The following PCDHGB6 variants were observed in gnomAD, a reference collection of about 807,000 sequenced individuals.
PCDHGB6 encodes protocadherin gamma subfamily B, 6.
In PCDHGB6, 51 loss-of-function variants were observed where a neutral mutation model predicts 59.1. The observed-to-expected ratio is 0.86, with a 90% CI of 0.69 to 1.09. The LOEUF is 1.09. PCDHGB6 is among the 50% of genes least tolerant of loss of function. PCDHGB6 has a pLI of 0.00. For missense variants in PCDHGB6, 1,148 were observed against 1,205.1 expected (o/e 0.95, Z 0.70); for synonymous variants, 466 against 495.1 (o/e 0.94, Z 0.78).
At chr5:141,430,782 G>A (rs1220976669) in intron 1 of PCDHGB6, 2 of 1,510,858 alleles carry the variant, frequency 1.3e-6, no homozygotes, top group Non-Finnish European at 1.8e-6. Flanking sequence ...CGACTGCACC[G>A]GGACTACAAA....
chr5:141,491,845 G>A lies in PCDHGB6; in HGVS notation c.2419-2962G>A. 6.8e-7 allele frequency: 1 copy of A among 1,463,944 alleles called. No homozygotes were observed. The highest frequency in any genetic ancestry group is 9.0e-7 in the Non-Finnish European group (1 of 1,106,126). 90.7% of individuals were successfully genotyped at this position (1,463,944 alleles called of 1,614,324 possible). ...CTCCACCCGATTCTCGGGATCATTGGACCGTTTGCGCGAAACCAGAGTGGC... is the reference window on the plus strand; with the variant it reads ...CTCCACCCGATTCTCGGGATCATTGAACCGTTTGCGCGAAACCAGAGTGGC... On this transcript the variant is annotated intron_variant, in intron 1 of 3. Coordinates refer to ENST00000520790, the MANE Select transcript of PCDHGB6 (RefSeq NM_018926.3). This position sits in a 1 kb window ranked among gnomAD's most constrained non-coding sequence, Gnocchi z 6.9.
chr5:141,442,796 T>G (rs909745554), intron 1 of PCDHGB6, among the ~76,000 whole-genome samples: 16 of 152,326 alleles, frequency 1.1e-4, no homozygotes, highest in African/African-American at 3.8e-4. Context: ...AATTTTACTT[T>G]GATATTCAAA....
intron 1 of PCDHGB6, chr5:141,423,565 C>G: frequency 1.2e-6 from 2 of 1,613,594 alleles, no homozygotes; most frequent in Non-Finnish European, 1.7e-6. Context: ...TGGGGACACG[C>G]TCATCAGCCA....
Position 141,490,282 on chromosome 5 carries a change from C to T in PCDHGB6, c.2419-4525C>T, listed in dbSNP as rs763429413. 1.2e-6 allele frequency: 2 copies of T among 1,614,194 alleles called. No individual in the cohort carries two copies. The highest frequency in any genetic ancestry group is 1.7e-6 in the Non-Finnish European group (2 of 1,180,036). ...TGTGGGGGATGTCAATGACAATGCC[C>T]CAGAGGTGCTATTGGCCTCTTTGGC... On this transcript the variant is annotated intron_variant, in intron 1 of 3. Transcript: ENST00000520790. This position sits in a 1 kb window ranked among gnomAD's most constrained non-coding sequence, Gnocchi z 5.4.
chr5:141,432,874 G>A lies in PCDHGB6; in HGVS notation c.2418+22254G>A, dbSNP rs2097545539. 2 of 1,614,176 alleles carry A rather than the reference G, an allele frequency of 1.2e-6. No homozygotes were observed. The highest frequency in any genetic ancestry group is 1.7e-6 in the Non-Finnish European group (2 of 1,180,014). Reference sequence around the variant, plus strand: ...TGGCCGCGGTCTCCTGCGTCTTCCTGGCCTTCGTCATCTTGCTGCTGGCGC... The same window carrying A: ...TGGCCGCGGTCTCCTGCGTCTTCCTAGCCTTCGTCATCTTGCTGCTGGCGC... On this transcript the variant is annotated intron_variant, in intron 1 of 3. Transcript: ENST00000520790. This position sits in a 1 kb window ranked among gnomAD's most constrained non-coding sequence, Gnocchi z 6.0.
Position 141,476,247 on chromosome 5 carries a change from G to A in PCDHGB6, c.2419-18560G>A. The A allele has an allele frequency of 6.2e-7, 1 of 1,614,042 alleles. No individual in the cohort carries two copies. Among genetic ancestry groups the A allele is most frequent in the Non-Finnish European group, 8.5e-7 (1 of 1,180,010 alleles). Reference sequence around the variant, plus strand: ...GAGATCCCGGAGGAAAGAGAGAAGGGTTTCGCTGTGGGCAACGTGGTCGCG... The same window carrying A: ...GAGATCCCGGAGGAAAGAGAGAAGGATTTCGCTGTGGGCAACGTGGTCGCG... On this transcript the variant is annotated intron_variant, in intron 1 of 3. Transcript: ENST00000520790. This position sits in a 1 kb window ranked among gnomAD's most constrained non-coding sequence, Gnocchi z 7.6.
At chr5:141,480,698 C>T (rs1394538159) in intron 1 of PCDHGB6, among the ~76,000 whole-genome samples, 1 of 152,198 alleles carries the variant, frequency 6.6e-6, no homozygotes, top group Admixed American at 6.5e-5. Context: ...ACCCAGGCCA[C>T]ACCCCGACAA....
intron 1 of PCDHGB6, chr5:141,415,743 T>G (rs1317934891): frequency 9.6e-6 from 3 of 311,420 alleles, no homozygotes; most frequent in Non-Finnish European, 1.2e-5. Context: ...TATTAAGGTT[T>G]TTTTTTTTTT....
chr5:141,477,639 G>T lies in PCDHGB6; in HGVS notation c.2419-17168G>T, dbSNP rs2099414883. ...GGAGCTGAAACCGGGCTAGTGGGTCGCTATTTCACAATAAATCGTGACAAT... is the reference window on the plus strand; with the variant it reads ...GGAGCTGAAACCGGGCTAGTGGGTCTCTATTTCACAATAAATCGTGACAAT... On this transcript the variant is annotated intron_variant, in intron 1 of 3. Transcript: ENST00000520790. The surrounding 1 kb of genome is among the most constrained non-coding windows in gnomAD (Gnocchi z 4.9). 3.1e-6 allele frequency: 5 copies of T among 1,614,004 alleles called. No homozygotes were observed. Among genetic ancestry groups the T allele is most frequent in the Non-Finnish European group, 4.2e-6 (5 of 1,180,034 alleles).
chr5:141,500,521 A>T lies in PCDHGB6; in HGVS notation c.2478-4872A>T, dbSNP rs185546944. 3.7e-3 allele frequency among the ~76,000 whole-genome samples: 560 copies of T among 152,176 alleles called. 5 individuals are homozygous for T. Among genetic ancestry groups the T allele is most frequent in the Admixed American group, 0.011 (162 of 15,280 alleles). On this transcript the variant is annotated intron_variant, in intron 2 of 3. Coordinates refer to ENST00000520790, the MANE Select transcript of PCDHGB6 (RefSeq NM_018926.3). Reference sequence around the variant, plus strand: ...ACCGCGCCTGGCCGAGCTTCATTTTAAAAAAATCTCATTCACCTAAATAAG... The same window carrying T: ...ACCGCGCCTGGCCGAGCTTCATTTTTAAAAAATCTCATTCACCTAAATAAG...
intron 2 of PCDHGB6, among the ~76,000 whole-genome samples, chr5:141,500,695 T>G (rs1214079801): frequency 1.3e-5 from 2 of 152,214 alleles, no homozygotes; most frequent in Admixed American, 6.5e-5. Flanking sequence ...TTTTTCTTCT[T>G]TGCAGTGTAT....
chr5:141,409,639 G>A lies in PCDHGB6; in HGVS notation c.1437G>A (p.Pro479=). The change falls in exon 1 of 4, where the codon CCG becomes CCA. Residue 479 remains proline, a synonymous_variant. Transcript: ENST00000520790. ...TTGCGCAAGTGAGCGCCTCTGACCCGGATTTGGGGCTCAATGGCCACATCT... is the reference window on the plus strand; with the variant it reads ...TTGCGCAAGTGAGCGCCTCTGACCCAGATTTGGGGCTCAATGGCCACATCT... ...ASIAQVSASD[P]DLGLNGHISY... is the part of the protein sequence containing the mutation. The A allele has an allele frequency of 6.2e-7, 1 of 1,613,760 alleles. No homozygotes were observed. The highest frequency in any genetic ancestry group is 8.5e-7 in the Non-Finnish European group (1 of 1,179,886).
rs1446432461 is a variant in PCDHGB6, at chr5:141,511,005, C to G, written c.2625C>G (p.Ala875=). 6.2e-7 allele frequency: 1 copy of G among 1,614,176 alleles called. No individual in the cohort carries two copies. Among genetic ancestry groups the G allele is most frequent in the Middle Eastern group, 1.6e-4 (1 of 6,062 alleles). ...GGGAGTMGLS[A]RYGPQFTLQH... is the part of the protein sequence containing the mutation. ...GTGCCGGCACCATGGGATTGAGCGC[C>G]CGCTACGGACCCCAGTTCACCCTGC... Residue 875 remains alanine, a synonymous_variant, in exon 4 of 4, where the codon GCC becomes GCG. Coordinates refer to ENST00000520790, the MANE Select transcript of PCDHGB6 (RefSeq NM_018926.3).
chr5:141,508,800 C>A (rs973992018), intron 3 of PCDHGB6, among the ~76,000 whole-genome samples: 1 of 152,086 alleles, frequency 6.6e-6, no homozygotes, highest in African/African-American at 2.4e-5. Context: ...CTCTGGAATC[C>A]TGGCTCTTTG....
At chr5:141,464,883 T>G (rs995385615) in intron 1 of PCDHGB6, among the ~76,000 whole-genome samples, 1 of 152,086 alleles carries the variant, frequency 6.6e-6, no homozygotes, top group African/African-American at 2.4e-5. Flanking sequence ...GGACTACAGA[T>G]GGATGCCACC....
chr5:141,485,654 G>A lies in PCDHGB6; in HGVS notation c.2419-9153G>A, dbSNP rs2099617203. 6.2e-7 allele frequency: 1 copy of A among 1,612,482 alleles called. No individual in the cohort carries two copies. The highest frequency in any genetic ancestry group is 8.5e-7 in the Non-Finnish European group (1 of 1,178,842). On this transcript the variant is annotated intron_variant, in intron 1 of 3. Coordinates refer to ENST00000520790, the MANE Select transcript of PCDHGB6 (RefSeq NM_018926.3). The surrounding 1 kb of genome is among the most constrained non-coding windows in gnomAD (Gnocchi z 5.7). ...CCCGTTGGAAAAGGCTCAGGATGCA[G>A]ATGTGGGGAGCAATTCGATTAGCAG... is the stretch of plus-strand genomic sequence containing the variant.
intron 1 of PCDHGB6, among the ~76,000 whole-genome samples, chr5:141,449,422 C>A (rs1041930577): frequency 4.0e-5 from 6 of 151,724 alleles, no homozygotes; most frequent in Non-Finnish European, 7.4e-5. Flanking sequence ...GCCTGGCCAA[C>A]ATGATAAAAC....
In PCDHGB6 at chr5:141,488,647, T is replaced by TG. The variant is rs535492979; in HGVS notation, c.2419-6155dup. ...CTCACCTTAGCAGCATTCAGCAGGA[T>TG]GGGGGAGGGTGGGGGAATACATGGG... On this transcript the variant is annotated intron_variant, in intron 1 of 3. Transcript: ENST00000520790. Among the ~76,000 whole-genome samples, 173 of 152,088 alleles carry TG rather than the reference T, an allele frequency of 1.1e-3. 1 individual carries two copies. Among genetic ancestry groups the TG allele is most frequent in the African/African-American group, 3.9e-3 (160 of 41,492 alleles).
Position 141,490,479 on chromosome 5 carries a change from C to A in PCDHGB6, c.2419-4328C>A. 6.2e-7 allele frequency: 1 copy of A among 1,614,216 alleles called. No homozygotes were observed. Among genetic ancestry groups the A allele is most frequent in the South Asian group, 1.1e-5 (1 of 91,086 alleles). On this transcript the variant is annotated intron_variant, in intron 1 of 3. Transcript: ENST00000520790. The surrounding 1 kb of genome is among the most constrained non-coding windows in gnomAD (Gnocchi z 5.4). ...CGCTGCTAACCAGCCAGCCTTTGGA[C>A]CGGGAGGCCACATCCCACTATATCA...
Sources: allele counts gnomAD v4.1 joint callset (sites outside exome capture counted in the v4.1 genomes callset), GRCh38; gene constraint gnomAD v4.1.1; non-coding constraint Gnocchi (gnomAD v3.1); transcripts MANE v1.5; gene names NCBI Gene and HGNC (gene_info 2026-07-23, HGNC 2026-07-21).